Variants in CCDC178 observed in about 807,000 individuals in gnomAD.
CCDC178 encodes coiled-coil domain-containing protein 178.
A neutral mutation model predicts 117.4 loss-of-function variants in CCDC178; 126 were observed. The ratio of observed to expected loss-of-function variants is 1.07; its 90% CI spans 0.93 to 1.24. CCDC178 has a LOEUF of 1.24. Among genes scored for constraint, CCDC178 ranks in the 50% most tolerant of loss-of-function variants. CCDC178 has a pLI of 0.00. For synonymous variants in CCDC178, 283 were observed against 313.4 expected (o/e 0.90, Z 1.02); for missense variants, 1,030 against 986.9 (o/e 1.04, Z -0.59).
chr18:33,289,641 C>A (rs1468910622), intron 12 of CCDC178, among the ~76,000 whole-genome samples: 1 of 151,590 alleles, frequency 6.6e-6, no homozygotes, highest in African/African-American at 2.4e-5. Flanking sequence ...CAAACAACAA[C>A]AAAACTTTTT....
intron 21 of CCDC178, among the ~76,000 whole-genome samples, chr18:33,066,985 G>A (rs942193421): frequency 6.6e-6 from 1 of 152,118 alleles, no homozygotes; most frequent in African/African-American, 2.4e-5. Flanking sequence ...TATTTAAACT[G>A]CAGTTTAGAC....
intron 21 of CCDC178, among the ~76,000 whole-genome samples, chr18:33,016,452 C>G (rs1190175914): frequency 4.0e-5 from 6 of 151,874 alleles, no homozygotes; most frequent in Admixed American, 6.6e-5. Flanking sequence ...AAAGCATCAG[C>G]AAAGGTATCT....
intron 5 of CCDC178, among the ~76,000 whole-genome samples, chr18:33,382,462 A>G (rs1233978353): frequency 1.3e-5 from 2 of 152,154 alleles, no homozygotes; most frequent in African/African-American, 4.8e-5. Context: ...AAGGTGGGTG[A>G]TTTCTGCATT....
At chr18:33,019,388 A>C (rs1383505706) in intron 21 of CCDC178, among the ~76,000 whole-genome samples, 7 of 152,166 alleles carry the variant, frequency 4.6e-5, no homozygotes, top group Non-Finnish European at 8.8e-5. Flanking sequence ...CCATATGGAA[A>C]ACCCAGTTGA....
chr18:33,105,611 A>G (rs549636260), intron 20 of CCDC178, among the ~76,000 whole-genome samples: 2 of 151,806 alleles, frequency 1.3e-5, no homozygotes, highest in South Asian at 4.1e-4. Context: ...GTTTTTATTC[A>G]GTGGAGAAAC....
intron 14 of CCDC178, among the ~76,000 whole-genome samples, chr18:33,245,813 A>G (rs1380914119): frequency 2.0e-5 from 3 of 151,958 alleles, no homozygotes; most frequent in African/African-American, 2.4e-5. Context: ...ACCAAAGCAT[A>G]TACAAGAGCA....
At chr18:33,429,944 G>A (rs1263726920) in intron 2 of CCDC178, among the ~76,000 whole-genome samples, 1 of 152,110 alleles carries the variant, frequency 6.6e-6, no homozygotes, top group African/African-American at 2.4e-5. Context: ...TAAAATTATA[G>A]TCTCTTCCAC....
chr18:33,099,870 CG>C (rs2057598894), intron 20 of CCDC178, among the ~76,000 whole-genome samples: 2 of 151,970 alleles, frequency 1.3e-5, no homozygotes, highest in South Asian at 4.1e-4. Flanking sequence ...TTGTCCAAGG[CG>C]AGTTCTCTGA....
At chr18:32,978,653 G>A (rs1476584665) in intron 21 of CCDC178, among the ~76,000 whole-genome samples, 1 of 152,086 alleles carries the variant, frequency 6.6e-6, no homozygotes, top group East Asian at 1.9e-4. Flanking sequence ...ATAAAGTAAG[G>A]ATATCAGAAA....
At chr18:33,091,175 TAAC>T (rs993013667) in intron 21 of CCDC178, among the ~76,000 whole-genome samples, 33 of 152,230 alleles carry the variant, frequency 2.2e-4, no homozygotes, top group African/African-American at 7.9e-4. Context: ...TAATTTCAAA[TAAC>T]AATGTCAAAT....
At chr18:33,266,271 A>C (rs2059813305) in intron 14 of CCDC178, among the ~76,000 whole-genome samples, 1 of 151,986 alleles carries the variant, frequency 6.6e-6, no homozygotes, top group African/African-American at 2.4e-5. Context: ...CCCTTTGTCC[A>C]GCATATCCAT....
intron 14 of CCDC178, among the ~76,000 whole-genome samples, chr18:33,259,694 C>T (rs192239756): frequency 3.6e-4 from 55 of 152,120 alleles, no homozygotes; most frequent in African/African-American, 1.1e-3. Context: ...GGATTCAAGA[C>T]GAGATTTGGG....
At chr18:33,159,899 C>A (rs529232671) in intron 20 of CCDC178, among the ~76,000 whole-genome samples, 1 of 152,194 alleles carries the variant, frequency 6.6e-6, no homozygotes, top group South Asian at 2.1e-4. Flanking sequence ...CTAACCTATA[C>A]AGAAAACTTC....
At chr18:33,372,048 G>C (rs1267231307) in intron 5 of CCDC178, among the ~76,000 whole-genome samples, 1 of 151,950 alleles carries the variant, frequency 6.6e-6, no homozygotes, top group Non-Finnish European at 1.5e-5. Context: ...TCTTGACTGT[G>C]CCACTCTCAA....
intron 20 of CCDC178, among the ~76,000 whole-genome samples, chr18:33,168,695 T>G (rs1353648464): frequency 1.3e-5 from 2 of 152,228 alleles, no homozygotes; most frequent in Non-Finnish European, 2.9e-5. Flanking sequence ...TACAGTTTTG[T>G]GTTTAACCCG....
intron 12 of CCDC178, among the ~76,000 whole-genome samples, chr18:33,270,531 T>C (rs781209152): frequency 1.3e-5 from 2 of 151,616 alleles, no homozygotes; most frequent in Non-Finnish European, 3.0e-5. Flanking sequence ...GGATCTTCAA[T>C]ATGATTAACA....
chr18:33,223,275 T>C, intron 17 of CCDC178, 56 bp from the exon 18 acceptor site: 1 of 1,501,506 alleles, frequency 6.7e-7, no homozygotes. Flanking sequence ...TTATCCTCAT[T>C]TAGGCCAAAT....
At chr18:33,256,197 G>T (rs749809648) in intron 14 of CCDC178, among the ~76,000 whole-genome samples, 2 of 151,962 alleles carry the variant, frequency 1.3e-5, no homozygotes, top group African/African-American at 4.8e-5. Context: ...GGGAACTATT[G>T]AGTGATTTGC....
intron 14 of CCDC178, among the ~76,000 whole-genome samples, chr18:33,250,496 A>G (rs2059608661): frequency 6.6e-6 from 1 of 151,744 alleles, no homozygotes; most frequent in South Asian, 2.1e-4. Flanking sequence ...GTGCAGCAAC[A>G]GTAATATCAC....
Sources: gnomAD v4.1 joint callset for allele counts (sites outside exome capture counted in the v4.1 genomes callset) on GRCh38, gnomAD v4.1.1 for gene constraint, MANE v1.5 for transcripts, NCBI Gene and HGNC (gene_info 2026-07-23, HGNC 2026-07-21) for gene names.